Variants in ATE1 observed in about 807,000 individuals in gnomAD.
ATE1 encodes the protein arginyl-tRNA--protein transferase 1.
In ATE1, 36 loss-of-function variants were observed where a neutral mutation model predicts 70.5. The ratio of observed to expected loss-of-function variants is 0.51; its 90% CI spans 0.39 to 0.67. ATE1 has a LOEUF of 0.67. ATE1 is among the 30% of genes least tolerant of loss of function. The probability of loss-of-function intolerance (pLI) is 0.00; values close to 1 mark genes in which losing one functional copy is unlikely to be tolerated. For missense variants in ATE1, 593 were observed against 629.5 expected (o/e 0.94, Z 0.62); for synonymous variants, 232 against 219.3 (o/e 1.06, Z -0.51).
In ATE1 at chr10:121,927,924, G is replaced by A. The variant is rs747623464; in HGVS notation, c.26C>T (p.Pro9Leu). 1 of 1,580,454 alleles carries A rather than the reference G, an allele frequency of 6.3e-7. No homozygotes were observed. The highest frequency in any genetic ancestry group is 8.6e-7 in the Non-Finnish European group (1 of 1,166,454). The change falls in exon 1 of 12, where the codon CCC (proline) becomes CTC (leucine). Residue 9 changes from proline to leucine, a missense_variant. This residue lies in a region of ATE1 where 467 missense variants were observed against 469.6 expected (regional missense o/e 0.99). Transcript: ENST00000224652. ...GCTAGGGAAATAGTCCACGACGCTG[G>A]GCGAACCCCCCGCCCAGAAAGCCAT... MAFWAGGS[P>L]SVVDYFPSED...
At chr10:121,872,251 G>A (rs1359435362) in intron 7 of ATE1, among the ~76,000 whole-genome samples, 1 of 152,168 alleles carries the variant, frequency 6.6e-6, no homozygotes. Flanking sequence ...ATGTCTCCTT[G>A]AAGCTTCAAC....
rs987012338 is a variant in ATE1 at position 121,740,934 on chromosome 10, A to T, written c.*2746T>A. ...ACAAAAAAGTGCTCAGATTACATTT[A>T]AAAAAATAACAAAAATCTCTTAGAA... On this transcript the variant is annotated 3_prime_UTR_variant, in exon 12 of 12. Coordinates refer to ENST00000224652, the MANE Select transcript of ATE1 (RefSeq NM_001001976.3). The T allele has an allele frequency of 1.3e-5, 2 of 152,330 alleles. No individual in the cohort carries two copies. Among genetic ancestry groups the T allele is most frequent in the African/African-American group, 2.4e-5 (1 of 41,572 alleles). 9.4% of individuals were successfully genotyped at this position (152,330 alleles called of 1,614,324 possible).
intron 10 of ATE1, among the ~76,000 whole-genome samples, chr10:121,828,063 C>T (rs1020825349): frequency 6.6e-6 from 1 of 152,164 alleles, no homozygotes; most frequent in Non-Finnish European, 1.5e-5. Context: ...TGTTAAGATA[C>T]CTCGTAAGCT....
chr10:121,926,077 C>T (rs748937218), intron 1 of ATE1, among the ~76,000 whole-genome samples: 1 of 151,990 alleles, frequency 6.6e-6, no homozygotes, highest in Non-Finnish European at 1.5e-5. Flanking sequence ...GCCGTGGTGG[C>T]GGGCACCTGT....
chr10:121,795,980 A>T (rs1168971716), intron 10 of ATE1, among the ~76,000 whole-genome samples: 1 of 152,222 alleles, frequency 6.6e-6, no homozygotes, highest in African/African-American at 2.4e-5. Flanking sequence ...AAAGAGGTAA[A>T]AGCAGATTAA....
chr10:121,876,858 C>G (rs918299004), intron 7 of ATE1, among the ~76,000 whole-genome samples: 1 of 151,164 alleles, frequency 6.6e-6, no homozygotes, highest in African/African-American at 2.4e-5. Flanking sequence ...CCCAGCTACT[C>G]GGGAGGCTGA....
At chr10:121,826,480 G>A (rs1948019443) in intron 10 of ATE1, among the ~76,000 whole-genome samples, 1 of 152,016 alleles carries the variant, frequency 6.6e-6, no homozygotes, top group South Asian at 2.1e-4. Flanking sequence ...AAACGTTTTT[G>A]CATTTTTAGT....
chr10:121,902,682 G>A, intron 5 of ATE1, 62 bp from the exon 6 acceptor site: 1 of 1,465,544 alleles, frequency 6.8e-7, no homozygotes, highest in South Asian at 1.3e-5. Context: ...TTTTTCACAT[G>A]TCTCAAAGAT....
At chr10:121,910,651 G>C (rs954950497) in intron 5 of ATE1, among the ~76,000 whole-genome samples, 3 of 150,510 alleles carry the variant, frequency 2.0e-5, no homozygotes, top group African/African-American at 7.3e-5. Context: ...CCCTAAAGTA[G>C]TAAGTAGAAA....
rs1481635295 is a variant in ATE1 at position 121,913,818 on chromosome 10, T to G, written c.309A>C (p.Lys103Asn). 1.9e-6 allele frequency: 3 copies of G among 1,613,380 alleles called. No individual in the cohort carries two copies. The highest frequency in any genetic ancestry group is 2.5e-6 in the Non-Finnish European group (3 of 1,179,386). ...CACAACTTCCTTTGGGAACCTCCCC[T>G]TTAGCTAGAAATTTCAACATTTTTT... ...VLKKMLKFLA[K>N]GEVPKGSCED... is the part of the protein sequence containing the mutation. The change falls in exon 4 of 12, where the codon AAA becomes AAC. Residue 103 changes from lysine to asparagine, a missense_variant. Around this residue, in one of 3 missense-constraint regions of ATE1, gnomAD observed 467 missense variants for 469.6 expected, o/e 0.99. Transcript: ENST00000224652.
At chr10:121,906,892 C>G (rs958823598) in intron 5 of ATE1, among the ~76,000 whole-genome samples, 3 of 152,026 alleles carry the variant, frequency 2.0e-5, no homozygotes, top group Non-Finnish European at 4.4e-5. Flanking sequence ...GCCACTGAGC[C>G]CGGCCAAAAT....
rs1165658059 is a variant in ATE1 at position 121,855,355 on chromosome 10, A to T, written c.976-14092T>A. On this transcript the variant is annotated intron_variant, in intron 8 of 11. Coordinates refer to ENST00000224652, the MANE Select transcript of ATE1 (RefSeq NM_001001976.3). ...TTCATTTATGGTCTCTGTTGGATGG[A>T]TGACAGAAACCTATTCTCTGTTGGA... 2.6e-5 allele frequency among the ~76,000 whole-genome samples: 4 copies of T among 152,206 alleles called. No individual in the cohort carries two copies. The East Asian group carries it at 7.7e-4, about 29-fold the overall frequency.
chr10:121,875,173 T>A, intron 7 of ATE1, among the ~76,000 whole-genome samples: 1 of 150,110 alleles, frequency 6.7e-6, no homozygotes, highest in Admixed American at 6.6e-5. Flanking sequence ...ACAAAAATCT[T>A]ATTTACACTC....
At chr10:121,902,800 A>G (rs1398446715) in intron 5 of ATE1, among the ~76,000 whole-genome samples, 180 bp from the exon 6 acceptor site, 1 of 152,172 alleles carries the variant, frequency 6.6e-6, no homozygotes, top group Non-Finnish European at 1.5e-5. Flanking sequence ...CTACCTTAGA[A>G]GTGGGAGTTG....
intron 11 of ATE1, among the ~76,000 whole-genome samples, chr10:121,778,704 C>T (rs549238869): frequency 9.2e-5 from 14 of 151,922 alleles, no homozygotes; most frequent in South Asian, 2.1e-4. Flanking sequence ...TGGGTTCAAG[C>T]GACTCTCCTG....
At chr10:121,826,146 T>C (rs1452031714) in intron 10 of ATE1, among the ~76,000 whole-genome samples, 1 of 152,172 alleles carries the variant, frequency 6.6e-6, no homozygotes, top group Non-Finnish European at 1.5e-5. Flanking sequence ...GGGGGAGCTA[T>C]CGTCTATTGG....
At chr10:121,923,488 T>TA (rs201817081) in intron 2 of ATE1, among the ~76,000 whole-genome samples, 15 of 148,086 alleles carry the variant, frequency 1.0e-4, no homozygotes, top group Middle Eastern at 3.5e-3. Context: ...ACCATGTCTC[T>TA]AAAAAAAAAA....
intron 10 of ATE1, among the ~76,000 whole-genome samples, chr10:121,808,937 T>A (rs1947206426): frequency 6.6e-6 from 1 of 152,236 alleles, no homozygotes; most frequent in Non-Finnish European, 1.5e-5. Context: ...TTTTGATGTA[T>A]CTTGCACTTT....
chr10:121,912,279 C>T lies in ATE1; in HGVS notation c.338-1128G>A, dbSNP rs181545858. Among the ~76,000 whole-genome samples the T allele has an allele frequency of 5.3e-5, 8 of 152,228 alleles. No individual in the cohort carries two copies. In the East Asian group the frequency reaches 1.4e-3, roughly 26 times the overall value. ...GTTTATTCCTTTACTCTAATGAGTA[C>T]ATCACTCCTAGTTCCAGGCACAGAT... On this transcript the variant is annotated intron_variant, in intron 4 of 11. Transcript: ENST00000224652.
Sources: gnomAD v4.1 joint callset for allele counts (sites outside exome capture counted in the v4.1 genomes callset) on GRCh38, gnomAD v4.1.1 for gene constraint, gnomAD v4.1.1 regional missense constraint, MANE v1.5 for transcripts, NCBI Gene and HGNC (gene_info 2026-07-23, HGNC 2026-07-21) for gene names.